The following PHACTR3 variants were observed in gnomAD, a reference collection of about 807,000 sequenced individuals.
PHACTR3 encodes the protein phosphatase and actin regulator 3.
PHACTR3 carries 16 observed loss-of-function variants against 66.8 expected under a neutral mutation model. The ratio of observed to expected loss-of-function variants is 0.24; its 90% CI spans 0.16 to 0.36. The LOEUF (loss-of-function observed/expected upper bound fraction) is 0.36, where lower values mean the gene tolerates loss of function less well. Among genes scored for constraint, PHACTR3 ranks in the 10% least tolerant of loss-of-function variants. PHACTR3 has a pLI of 1.00. For synonymous variants in PHACTR3, 323 were observed against 292.1 expected, an observed-to-expected ratio of 1.11 and a Z score of -1.08; for missense variants, 647 against 719.9, an observed-to-expected ratio of 0.90 and a Z score of 1.16.
Position 59,847,552 on chromosome 20 carries a change from A to AGTT in PHACTR3, c.*422_*423insGTT. On this transcript the variant is annotated 3_prime_UTR_variant, in exon 13 of 13. Coordinates refer to ENST00000371015, the MANE Select transcript of PHACTR3 (RefSeq NM_080672.5). The stretch of plus-strand genomic sequence containing the variant: ...CAAAAGACATTTTTATCCTGATCAT[A>AGTT]ATTAATTTGAAAACTCTTTAAGTTC... 1 of 158,470 alleles carries AGTT rather than the reference A, an allele frequency of 6.3e-6. No homozygotes were observed. The highest frequency in any genetic ancestry group is 2.4e-5 in the African/African-American group (1 of 41,886). The allele number at this position is 158,470 out of a possible 1,614,324, so 9.8% of individuals were successfully genotyped here.
intron 5 of PHACTR3, among the ~76,000 whole-genome samples, chr20:59,769,997 A>G (rs1298122639): frequency 6.6e-6 from 1 of 152,182 alleles, no homozygotes; most frequent in Non-Finnish European, 1.5e-5. Context: ...CATCCACCTC[A>G]TTTTATTCTG....
intron 1 of PHACTR3, among the ~76,000 whole-genome samples, chr20:59,681,173 C>T (rs1327275438): frequency 6.6e-6 from 1 of 152,254 alleles, no homozygotes; most frequent in Non-Finnish European, 1.5e-5. Flanking sequence ...TAGATCCACA[C>T]AACTGAAAAT....
At chr20:59,815,668 C>T (rs1333351642) in intron 8 of PHACTR3, among the ~76,000 whole-genome samples, 1 of 152,190 alleles carries the variant, frequency 6.6e-6, no homozygotes, top group Admixed American at 6.5e-5. Flanking sequence ...CATGATCCGC[C>T]TGCCTTGGCC....
intron 1 of PHACTR3, among the ~76,000 whole-genome samples, chr20:59,617,809 CCTT>C (rs143531745): frequency 0.03 from 4,494 of 152,312 alleles, 224 homozygotes; most frequent in African/African-American, 0.1. Context: ...CTCCCTCTGT[CCTT>C]CTTCTTTCTC....
chr20:59,663,242 A>C (rs1264485847), intron 1 of PHACTR3, among the ~76,000 whole-genome samples: 1 of 152,204 alleles, frequency 6.6e-6, no homozygotes, highest in Non-Finnish European at 1.5e-5. Context: ...ATCTGCAAAA[A>C]TCCTACTTCT....
chr20:59,675,985 G>A (rs1224646011), intron 1 of PHACTR3, among the ~76,000 whole-genome samples: 1 of 152,190 alleles, frequency 6.6e-6, no homozygotes, highest in Admixed American at 6.5e-5. Context: ...AAGGGTCCCT[G>A]GCTTCAGCAT....
chr20:59,604,003 G>C (rs2033565159), upstream of PHACTR3: 1 of 152,394 alleles, frequency 6.6e-6, no homozygotes, highest in South Asian at 2.1e-4. Flanking sequence ...GGTTCCTAAG[G>C]GCGTCTGAGG....
chr20:59,659,678 G>C (rs754044585), intron 1 of PHACTR3, among the ~76,000 whole-genome samples: 3 of 152,022 alleles, frequency 2.0e-5, no homozygotes, highest in Non-Finnish European at 4.4e-5. Flanking sequence ...GCCGGGTCTG[G>C]AGCTTTTTGT....
chr20:59,665,463 T>C (rs183609699), intron 1 of PHACTR3, among the ~76,000 whole-genome samples: 350 of 152,278 alleles, frequency 2.3e-3, no homozygotes, highest in African/African-American at 7.8e-3. Context: ...AACCCGAAGG[T>C]CCTTAGCACC....
chr20:59,767,850 TTTCTGTTCCATTCCA>T (rs1270311892), intron 5 of PHACTR3, among the ~76,000 whole-genome samples: 34 of 151,862 alleles, frequency 2.2e-4, no homozygotes, highest in Admixed American at 5.2e-4. Flanking sequence ...TTTCCATTCC[TTTCTGTTCCATTCCA>T]TTCTGTTCTG....
At chr20:59,751,224 T>G (rs565442456) in intron 3 of PHACTR3, among the ~76,000 whole-genome samples, 3 of 151,466 alleles carry the variant, frequency 2.0e-5, no homozygotes, top group Non-Finnish European at 4.4e-5. Flanking sequence ...GGAACCGGCT[T>G]CAGCCACCGC....
chr20:59,668,251 C>T (rs1254323298), intron 1 of PHACTR3, among the ~76,000 whole-genome samples: 2 of 151,652 alleles, frequency 1.3e-5, no homozygotes, highest in African/African-American at 4.9e-5. Flanking sequence ...TGGGCACATA[C>T]TCCTGTATGG....
At chr20:59,679,585 C>T (rs1284085967) in intron 1 of PHACTR3, among the ~76,000 whole-genome samples, 2 of 152,024 alleles carry the variant, frequency 1.3e-5, no homozygotes, top group African/African-American at 2.4e-5. Flanking sequence ...GCATGGGCAT[C>T]GGTACTGTAT....
intron 8 of PHACTR3, among the ~76,000 whole-genome samples, chr20:59,816,235 A>T (rs1358321304): frequency 6.6e-6 from 1 of 152,046 alleles, no homozygotes; most frequent in Non-Finnish European, 1.5e-5. Context: ...TGAGAATCGA[A>T]TGCTGCTGCT....
chr20:59,655,929 A>C (rs966404809), intron 1 of PHACTR3, among the ~76,000 whole-genome samples: 1 of 151,718 alleles, frequency 6.6e-6, no homozygotes, highest in Admixed American at 6.6e-5. Context: ...CATATTGTTT[A>C]ATTTCCATAT....
At chr20:59,839,055 T>A (rs2059013740) in intron 9 of PHACTR3, among the ~76,000 whole-genome samples, 1 of 151,736 alleles carries the variant, frequency 6.6e-6, no homozygotes, top group African/African-American at 2.4e-5. Context: ...AAAAAAAAGA[T>A]CTGACTTTGT....
intron 1 of PHACTR3, among the ~76,000 whole-genome samples, chr20:59,699,053 A>G (rs1249477966): frequency 6.6e-6 from 1 of 152,214 alleles, no homozygotes. Context: ...TGTATGGAGT[A>G]TTAACTGGAA....
chr20:59,701,853 C>A (rs1055477451), intron 1 of PHACTR3, among the ~76,000 whole-genome samples: 1 of 152,210 alleles, frequency 6.6e-6, no homozygotes, highest in Non-Finnish European at 1.5e-5. Context: ...CACCGACCCC[C>A]CAATCCCCTG....
rs559667374 is a variant in PHACTR3 at position 59,747,306 on chromosome 20, A to T, written c.281-452A>T. Among the ~76,000 whole-genome samples, 13 of 152,328 alleles carry T rather than the reference A, an allele frequency of 8.5e-5. No individual in the cohort carries two copies. In the South Asian group the frequency reaches 2.1e-3, roughly 24 times the overall value. ...TGGGAGAGCCGCACAGGAGAATCTC[A>T]TCTGTGAGTGGATGTTAAGAGCGGC... is the stretch of plus-strand genomic sequence containing the variant. On this transcript the variant is annotated intron_variant, in intron 2 of 12. Transcript: ENST00000371015.
Sources: allele counts gnomAD v4.1 joint callset (sites outside exome capture counted in the v4.1 genomes callset), GRCh38; gene constraint gnomAD v4.1.1; transcripts MANE v1.5; gene names NCBI Gene and HGNC (gene_info 2026-07-23, HGNC 2026-07-21).